The following KIF6 variants were observed in gnomAD, a reference collection of about 807,000 sequenced individuals.
The protein encoded by KIF6 is kinesin-like protein KIF6.
In KIF6, 106 loss-of-function variants were observed where a neutral mutation model predicts 112.7. The ratio of observed to expected loss-of-function variants is 0.94; its 90% CI spans 0.80 to 1.11. The LOEUF (loss-of-function observed/expected upper bound fraction) is 1.11, where lower values mean the gene tolerates loss of function less well. Ranked by LOEUF, KIF6 falls within the 50% of genes least tolerant of loss-of-function variation. KIF6 has a pLI of 0.00. For synonymous variants in KIF6, 339 were observed against 339.9 expected (o/e 1.00, Z 0.03); for missense variants, 929 against 964.0 (o/e 0.96, Z 0.48).
chr6:39,695,777 C>T (rs1189642673), intron 3 of KIF6, among the ~76,000 whole-genome samples: 1 of 152,074 alleles, frequency 6.6e-6, no homozygotes, highest in African/African-American at 2.4e-5. Context: ...ACCTTTAGAC[C>T]CAGAAAACCC....
chr6:39,343,236 T>G lies in KIF6; in HGVS notation c.2428+473A>C. ...CCACTCTTACTTCCTCTGTGATTGT[T>G]ATGGTGTCCTCGGGCCTGGGCCTTC... On this transcript the variant is annotated intron_variant, in intron 22 of 22. Transcript: ENST00000287152. This position sits in a 1 kb window ranked among gnomAD's most constrained non-coding sequence, Gnocchi z 4.1. 1 of 1,253,298 alleles carries G rather than the reference T, an allele frequency of 8.0e-7. No homozygotes were observed. The highest frequency in any genetic ancestry group is 1.0e-6 in the Non-Finnish European group (1 of 973,882). The allele number at this position is 1,253,298 out of a possible 1,614,324, so 77.6% of individuals were successfully genotyped here.
At position 39,492,595 on chromosome 6, in the gene KIF6, T is replaced by C. The variant is rs572009971; in HGVS notation, c.1645+47408A>G. Among the ~76,000 whole-genome samples, 24 of 152,258 alleles carry C rather than the reference T, an allele frequency of 1.6e-4. No homozygotes were observed. The South Asian group carries it at 4.8e-3, about 30-fold the overall frequency. ...AGTTCCAGTGAAGGACCTGGAGATATGTGCCTGGATGGATTTTGTAATTGC... is the reference window on the plus strand; with the variant it reads ...AGTTCCAGTGAAGGACCTGGAGATACGTGCCTGGATGGATTTTGTAATTGC... On this transcript the variant is annotated intron_variant, in intron 13 of 22. Coordinates refer to ENST00000287152, the MANE Select transcript of KIF6 (RefSeq NM_145027.6).
chr6:39,363,163 AAAAC>A (rs1170720505), intron 16 of KIF6, among the ~76,000 whole-genome samples: 1 of 152,176 alleles, frequency 6.6e-6, no homozygotes, highest in African/African-American at 2.4e-5. Context: ...CAAACAAACA[AAAAC>A]AAACAGATAA....
At chr6:39,577,946 T>G (rs900026946) in intron 10 of KIF6, 110 bp downstream of exon 10, 2 of 716,208 alleles carry the variant, frequency 2.8e-6, no homozygotes, top group Admixed American at 5.2e-5. Context: ...TTTCAGACTG[T>G]CCCAGGAGAC....
chr6:39,576,194 G>A (rs1159821093), intron 10 of KIF6, among the ~76,000 whole-genome samples: 1 of 151,786 alleles, frequency 6.6e-6, no homozygotes, highest in African/African-American at 2.4e-5. Context: ...GTGCGATCTC[G>A]GATCACTGTA....
chr6:39,611,344 A>G (rs571263764), intron 6 of KIF6, among the ~76,000 whole-genome samples: 2 of 152,292 alleles, frequency 1.3e-5, no homozygotes, highest in African/African-American at 4.8e-5. Flanking sequence ...TTTAAAAAAG[A>G]CTTGGAATTT....
At chr6:39,649,301 C>A (rs931950305) in intron 3 of KIF6, among the ~76,000 whole-genome samples, 1 of 152,140 alleles carries the variant, frequency 6.6e-6, no homozygotes, top group Non-Finnish European at 1.5e-5. Flanking sequence ...ACATGGCTAG[C>A]CTTCGTCAAC....
At chr6:39,376,939 C>T (rs1410511876) in intron 16 of KIF6, among the ~76,000 whole-genome samples, 1 of 152,226 alleles carries the variant, frequency 6.6e-6, no homozygotes, top group Non-Finnish European at 1.5e-5. Flanking sequence ...CAAAGCTGCG[C>T]TGTTTGCACA....
intron 3 of KIF6, among the ~76,000 whole-genome samples, chr6:39,654,199 A>T (rs538413507): frequency 8.2e-4 from 125 of 152,314 alleles, no homozygotes; most frequent in African/African-American, 2.7e-3. Context: ...CAAGGAGGAC[A>T]AGACACCAGG....
rs760136117 is a variant in KIF6, at chr6:39,385,637, G to A, written c.1846C>T (p.Gln616Ter). 4.3e-6 allele frequency: 7 copies of A among 1,613,316 alleles called. No homozygotes were observed. The South Asian group carries it at 6.6e-5, about 15-fold the overall frequency. ...LKEEITQRHI[Q>*]QVALGISENM... ...TTGTACCTACCTAGGGCTACTTGCT[G>A]TATATGCCGCTGGGTGATTTCTTCC... The change falls in exon 16 of 23, where the codon CAG (glutamine) becomes TAG (stop). Residue 616 changes from glutamine (Q) to a stop codon, truncating the protein, a stop_gained. Transcript: ENST00000287152. LOFTEE classifies it high-confidence loss of function.
intron 20 of KIF6, 85 bp from the exon 21 acceptor site, chr6:39,345,874 T>G (rs1581630676): frequency 2.2e-6 from 2 of 923,182 alleles, no homozygotes; most frequent in Non-Finnish European, 3.4e-6. Flanking sequence ...GGAGCTGTTA[T>G]GGACTGAATG....
At chr6:39,724,970 C>G (rs1030320568) in intron 1 of KIF6, among the ~76,000 whole-genome samples, 1 of 152,204 alleles carries the variant, frequency 6.6e-6, no homozygotes, top group South Asian at 2.1e-4. Flanking sequence ...TCTGCCCCCG[C>G]GTGAACACGT....
intron 2 of KIF6, among the ~76,000 whole-genome samples, chr6:39,715,481 C>T (rs1198234979): frequency 6.7e-6 from 1 of 149,934 alleles, no homozygotes; most frequent in East Asian, 2.0e-4. Flanking sequence ...CAGTGGAACA[C>T]TCGGGGTAGA....
intron 7 of KIF6, among the ~76,000 whole-genome samples, chr6:39,591,317 A>G (rs1781941873): frequency 6.6e-6 from 1 of 152,220 alleles, no homozygotes; most frequent in Non-Finnish European, 1.5e-5. Context: ...TGGATTAGAA[A>G]ATATAGTCTC....
intron 19 of KIF6, among the ~76,000 whole-genome samples, chr6:39,354,959 C>T (rs1764527666): frequency 6.6e-6 from 1 of 152,210 alleles, no homozygotes; most frequent in Non-Finnish European, 1.5e-5. Flanking sequence ...GGGAGGATCA[C>T]TTGAGCCAAG....
intron 13 of KIF6, among the ~76,000 whole-genome samples, chr6:39,457,597 G>C (rs901391202): frequency 6.6e-6 from 1 of 151,720 alleles, no homozygotes; most frequent in African/African-American, 2.4e-5. Flanking sequence ...TTTTTTGAAA[G>C]GATCAACAAA....
At chr6:39,638,427 G>A (rs1784737013) in intron 4 of KIF6, among the ~76,000 whole-genome samples, 1 of 152,096 alleles carries the variant, frequency 6.6e-6, no homozygotes, top group Non-Finnish European at 1.5e-5. Flanking sequence ...CCCAGGTTGT[G>A]AAATGTGGGA....
At chr6:39,673,892 C>A (rs1285823991) in intron 3 of KIF6, among the ~76,000 whole-genome samples, 1 of 151,810 alleles carries the variant, frequency 6.6e-6, no homozygotes, top group Non-Finnish European at 1.5e-5. Flanking sequence ...TCTTGAAAGG[C>A]CAATAATAAA....
intron 13 of KIF6, among the ~76,000 whole-genome samples, chr6:39,433,897 C>T (rs562304734): frequency 1.3e-5 from 2 of 152,132 alleles, no homozygotes; most frequent in Admixed American, 6.5e-5. Context: ...AGAGCTCATG[C>T]GCAGCTCCTT....
Sources: allele counts gnomAD v4.1 joint callset (sites outside exome capture counted in the v4.1 genomes callset), GRCh38; gene constraint gnomAD v4.1.1; non-coding constraint Gnocchi (gnomAD v3.1); transcripts MANE v1.5; gene names NCBI Gene and HGNC (gene_info 2026-07-23, HGNC 2026-07-21).